The following TACC2 variants were observed in gnomAD, a reference collection of about 807,000 sequenced individuals.
The protein encoded by TACC2 is transforming acidic coiled-coil containing protein 2.
A neutral mutation model predicts 227.3 loss-of-function variants in TACC2; 137 were observed. The observed-to-expected ratio is 0.60, with a 90% CI of 0.52 to 0.69. TACC2 has a LOEUF of 0.69. Among genes scored for constraint, TACC2 ranks in the 30% least tolerant of loss-of-function variants. The pLI is 0.00. For synonymous variants in TACC2, 1,523 were observed against 1,487.5 expected (o/e 1.02, Z -0.55); for missense variants, 3,470 against 3,694.4 (o/e 0.94, Z 1.57).
intron 3 of TACC2, among the ~76,000 whole-genome samples, chr10:122,053,083 G>A (rs971416688): frequency 6.6e-5 from 10 of 152,108 alleles, no homozygotes; most frequent in African/African-American, 2.2e-4. Context: ...CAGGCTGGTG[G>A]GTATGCCAAG....
chr10:122,104,959 G>A (rs115388680), intron 5 of TACC2, among the ~76,000 whole-genome samples: 1 of 152,294 alleles, frequency 6.6e-6, no homozygotes, highest in African/African-American at 2.4e-5. Context: ...GAACCATGTT[G>A]CATCTCACTT....
chr10:122,201,901 T>G (rs1435402026), intron 8 of TACC2, among the ~76,000 whole-genome samples: 1 of 152,198 alleles, frequency 6.6e-6, no homozygotes, highest in African/African-American at 2.4e-5. Flanking sequence ...CCAAGCCGAT[T>G]AGTGGCAAAG....
chr10:122,017,211 G>A (rs1046053764), intron 1 of TACC2, among the ~76,000 whole-genome samples: 3 of 152,150 alleles, frequency 2.0e-5, no homozygotes, highest in South Asian at 2.1e-4. Context: ...CGTGTGGGCC[G>A]CAGAGTTGAC....
At chr10:122,175,910 C>T (rs2093671691) in intron 7 of TACC2, among the ~76,000 whole-genome samples, 1 of 152,040 alleles carries the variant, frequency 6.6e-6, no homozygotes, top group Non-Finnish European at 1.5e-5. Flanking sequence ...ATGGCAAAAC[C>T]CTGTTTCAAA....
chr10:122,029,909 G>C (rs1168870822), intron 2 of TACC2, among the ~76,000 whole-genome samples: 1 of 151,552 alleles, frequency 6.6e-6, no homozygotes, highest in African/African-American at 2.4e-5. Context: ...ATAGAGCGGT[G>C]GGCAGGGGGT....
rs1171043621 is a variant in TACC2 at position 122,085,443 on chromosome 10, G to A, written c.2943G>A (p.Lys981=). 2.5e-6 allele frequency: 4 copies of A among 1,613,746 alleles called. No homozygotes were observed. In the African/African-American group the frequency reaches 4.0e-5, roughly 16 times the overall value. The change falls in exon 4 of 23, where the codon AAG becomes AAA. Residue 981 remains lysine (K), a synonymous_variant. Transcript: ENST00000369005. ...CTCTTGCAGGGAACTTCAGCAGAAA[G>A]GAAACTTGCTGCACTGGGCAGGGGC... ...DFSLAGNFSR[K]ETCCTGQGPN...
intron 3 of TACC2, among the ~76,000 whole-genome samples, chr10:122,078,268 A>G (rs1421689796): frequency 6.7e-6 from 1 of 150,270 alleles, no homozygotes; most frequent in African/African-American, 2.5e-5. Context: ...GTACATGGCA[A>G]CTCTCTATCT....
At chr10:122,003,571 T>G (rs188083294) in intron 1 of TACC2, among the ~76,000 whole-genome samples, 33 of 152,340 alleles carry the variant, frequency 2.2e-4, no homozygotes, top group Admixed American at 1.8e-3. Flanking sequence ...CCAAACTTCC[T>G]GTGGTCACTT....
chr10:122,093,059 T>C (rs1283712808), intron 5 of TACC2, among the ~76,000 whole-genome samples: 1 of 152,054 alleles, frequency 6.6e-6, no homozygotes, highest in African/African-American at 2.4e-5. Context: ...CGTTGCTGAA[T>C]ATGTGTTTAA....
chr10:122,013,976 G>A (rs1376687415), intron 1 of TACC2, among the ~76,000 whole-genome samples: 1 of 151,984 alleles, frequency 6.6e-6, no homozygotes, highest in East Asian at 1.9e-4. Flanking sequence ...ATTCTATGTA[G>A]GAGAAAAATC....
chr10:122,203,403 G>A (rs2094954398), intron 8 of TACC2, among the ~76,000 whole-genome samples: 1 of 149,848 alleles, frequency 6.7e-6, no homozygotes, highest in South Asian at 2.1e-4. Context: ...GGGGCGGCTG[G>A]CTGGGCGGGC....
At chr10:122,215,474 A>G (rs771775996) in intron 10 of TACC2, 23 bp downstream of exon 10, 47 of 1,604,054 alleles carry the variant, frequency 2.9e-5, no homozygotes, top group Non-Finnish European at 3.8e-5. Context: ...TTTGATCTTG[A>G]TGGTTTTATG....
chr10:122,028,084 C>T (rs138405709), intron 2 of TACC2, among the ~76,000 whole-genome samples: 72 of 91,720 alleles, frequency 7.8e-4, no homozygotes, highest in South Asian at 8.5e-4. Context: ...TTCTTTCTTT[C>T]TTTTTTTTTT....
intron 7 of TACC2, among the ~76,000 whole-genome samples, chr10:122,188,740 C>T (rs1403395346): frequency 2.0e-5 from 3 of 152,330 alleles, no homozygotes; most frequent in East Asian, 3.9e-4. Context: ...GTCAGGACGG[C>T]GATGGCCAGC....
At chr10:122,108,966 C>T (rs932312117) in intron 5 of TACC2, among the ~76,000 whole-genome samples, 2 of 152,132 alleles carry the variant, frequency 1.3e-5, no homozygotes, top group East Asian at 3.9e-4. Context: ...AACTCCTGAC[C>T]TCGTGATCCG....
At chr10:122,132,559 A>T in intron 5 of TACC2, 50 bp from the exon 6 acceptor site, 1 of 1,608,106 alleles carries the variant, frequency 6.2e-7, no homozygotes, top group Non-Finnish European at 8.5e-7. Flanking sequence ...CAAAACAAAA[A>T]CTTGTAGGAA....
At chr10:122,048,419 T>A (rs373273773) in intron 2 of TACC2, among the ~76,000 whole-genome samples, 1 of 129,664 alleles carries the variant, frequency 7.7e-6, no homozygotes, top group African/African-American at 2.9e-5. Flanking sequence ...CTCCCTCCCT[T>A]CCTTCCCTCC....
chr10:122,172,290 G>C (rs1221963642), intron 7 of TACC2, among the ~76,000 whole-genome samples: 2 of 152,308 alleles, frequency 1.3e-5, no homozygotes, highest in Middle Eastern at 3.4e-3. Flanking sequence ...TCCGTCTACT[G>C]CTGGGTGACA....
At position 122,048,399 on chromosome 10, in the gene TACC2, T is replaced by C. The variant is rs1162855283; in HGVS notation, c.34-2039T>C. On this transcript the variant is annotated intron_variant, in intron 2 of 22. Coordinates refer to ENST00000369005, the MANE Select transcript of TACC2 (RefSeq NM_206862.4). Reference sequence around the variant, plus strand: ...ATTTTTTTTTTCTCCTCCCTTTCCTTCCTTCCTCCCTCCCTCCCTTCCTTC... The same window carrying C: ...ATTTTTTTTTTCTCCTCCCTTTCCTCCCTTCCTCCCTCCCTCCCTTCCTTC... Among the ~76,000 whole-genome samples, 15 of 135,370 alleles carry C rather than the reference T, an allele frequency of 1.1e-4. No individual in the cohort carries two copies. The East Asian group carries it at 2.3e-3, about 21-fold the overall frequency. 88.8% of individuals were successfully genotyped at this position (135,370 alleles called of 152,430 possible).
Sources: gnomAD v4.1 joint callset for allele counts (sites outside exome capture counted in the v4.1 genomes callset) on GRCh38, gnomAD v4.1.1 for gene constraint, MANE v1.5 for transcripts, NCBI Gene and HGNC (gene_info 2026-07-23, HGNC 2026-07-21) for gene names.